Variants in KCNAB1 observed in about 807,000 individuals in gnomAD.
KCNAB1 encodes the protein voltage-gated potassium channel subunit beta-1.
Under a neutral mutation model 64.6 loss-of-function variants are expected in KCNAB1, and 35 were observed. The ratio of observed to expected loss-of-function variants is 0.54; its 90% CI spans 0.41 to 0.72. The LOEUF (loss-of-function observed/expected upper bound fraction) is 0.72. Ranked by LOEUF, KCNAB1 falls within the 30% of genes least tolerant of loss-of-function variation. The pLI, the probability that KCNAB1 is intolerant of heterozygous loss-of-function variation, is 0.00. For missense variants in KCNAB1, 401 were observed against 512.9 expected, an observed-to-expected ratio of 0.78 and a Z score of 2.11; for synonymous variants, 177 against 183.8, an observed-to-expected ratio of 0.96 and a Z score of 0.30.
intron 1 of KCNAB1, among the ~76,000 whole-genome samples, chr3:156,317,422 A>G (rs1722349357): frequency 1.3e-5 from 2 of 152,220 alleles, no homozygotes; most frequent in Non-Finnish European, 2.9e-5. Flanking sequence ...AATTTTTTAC[A>G]GAGAAAAACA....
At chr3:156,257,015 C>G (rs1232162525) in intron 1 of KCNAB1, among the ~76,000 whole-genome samples, 2 of 152,214 alleles carry the variant, frequency 1.3e-5, no homozygotes, top group Admixed American at 6.5e-5. Flanking sequence ...GAGGTGGTAA[C>G]AGACCCAGCC....
At chr3:156,444,558 G>T (rs1717261021) in intron 2 of KCNAB1, among the ~76,000 whole-genome samples, 1 of 152,180 alleles carries the variant, frequency 6.6e-6, no homozygotes, top group Admixed American at 6.5e-5. Context: ...CAGGCCTCCT[G>T]ATGTCCCCTT....
chr3:156,539,037 TA>T (rs1198706909), downstream of KCNAB1: 1 of 152,186 alleles, frequency 6.6e-6, no homozygotes, highest in African/African-American at 2.4e-5. Context: ...GTTAGTTAGT[TA>T]GTTATGTCCT....
chr3:156,294,493 G>A (rs151193687), intron 1 of KCNAB1, among the ~76,000 whole-genome samples: 1 of 152,170 alleles, frequency 6.6e-6, no homozygotes, highest in East Asian at 1.9e-4. Flanking sequence ...AAAAGGGGGA[G>A]GGAGACTAAT....
intron 2 of KCNAB1, among the ~76,000 whole-genome samples, chr3:156,443,673 T>C (rs1037881585): frequency 6.6e-6 from 1 of 152,082 alleles, no homozygotes; most frequent in African/African-American, 2.4e-5. Flanking sequence ...CATAGTTTCC[T>C]ATTTTATTAA....
At chr3:156,214,755 A>T (rs528416971) in intron 1 of KCNAB1, among the ~76,000 whole-genome samples, 9 of 152,324 alleles carry the variant, frequency 5.9e-5, no homozygotes, top group African/African-American at 2.2e-4. Context: ...GCTCAATTGA[A>T]GCCAAAACTA....
At chr3:156,434,921 T>C (rs902252519) in intron 2 of KCNAB1, among the ~76,000 whole-genome samples, 1 of 152,206 alleles carries the variant, frequency 6.6e-6, no homozygotes, top group Non-Finnish European at 1.5e-5. Context: ...TATGTTCTCT[T>C]TGAAGCAGGC....
chr3:156,188,902 G>T (rs975096661), intron 1 of KCNAB1, among the ~76,000 whole-genome samples: 2 of 152,148 alleles, frequency 1.3e-5, no homozygotes, highest in African/African-American at 4.8e-5. Context: ...ACTTCTCAGA[G>T]AACTCCTTGC....
intron 1 of KCNAB1, among the ~76,000 whole-genome samples, chr3:156,239,711 C>T (rs917831568): frequency 2.6e-5 from 4 of 152,148 alleles, no homozygotes; most frequent in African/African-American, 4.8e-5. Context: ...TTCCATTCGA[C>T]GTATTTATCA....
chr3:156,192,153 T>A (rs1335347704), intron 1 of KCNAB1, among the ~76,000 whole-genome samples: 1 of 152,248 alleles, frequency 6.6e-6, no homozygotes. Context: ...TGATTCAGCT[T>A]AATAATTTTG....
chr3:156,377,296 A>G (rs1711749952), intron 1 of KCNAB1, among the ~76,000 whole-genome samples: 1 of 152,072 alleles, frequency 6.6e-6, no homozygotes. Flanking sequence ...GGGAAAGAAG[A>G]GCAGGTTGGC....
At chr3:156,321,292 T>C (rs1275005703) in intron 1 of KCNAB1, among the ~76,000 whole-genome samples, 1 of 152,194 alleles carries the variant, frequency 6.6e-6, no homozygotes, top group Admixed American at 6.5e-5. Flanking sequence ...AGTGAAAATG[T>C]GGCATGCAAG....
intron 1 of KCNAB1, chr3:156,216,931 C>A (rs1264742251): frequency 2.0e-5 from 3 of 152,216 alleles, no homozygotes; most frequent in African/African-American, 7.2e-5. Flanking sequence ...TTTTACATGA[C>A]TGACCTGGAG....
intron 2 of KCNAB1, among the ~76,000 whole-genome samples, chr3:156,431,731 A>C (rs910591805): frequency 6.6e-6 from 1 of 152,224 alleles, no homozygotes; most frequent in Non-Finnish European, 1.5e-5. Flanking sequence ...TCTAGCAAAA[A>C]CACAAATTTC....
At chr3:156,181,841 A>G (rs1712839283) in intron 1 of KCNAB1, among the ~76,000 whole-genome samples, 1 of 152,070 alleles carries the variant, frequency 6.6e-6, no homozygotes, top group African/African-American at 2.4e-5. Flanking sequence ...AAGACGTTGA[A>G]CTCAATTTAG....
chr3:156,381,053 A>T (rs574656969), intron 1 of KCNAB1, among the ~76,000 whole-genome samples: 1 of 152,310 alleles, frequency 6.6e-6, no homozygotes, highest in Non-Finnish European at 1.5e-5. Context: ...ATCATTCCAC[A>T]CTGTAAGCGT....
At chr3:156,266,795 C>T (rs1347574796) in intron 1 of KCNAB1, among the ~76,000 whole-genome samples, 4 of 152,150 alleles carry the variant, frequency 2.6e-5, no homozygotes, top group Non-Finnish European at 4.4e-5. Flanking sequence ...CAAAGCTCAG[C>T]GGTCATATTC....
intron 1 of KCNAB1, among the ~76,000 whole-genome samples, chr3:156,318,079 TA>T (rs1560192799): frequency 6.6e-6 from 1 of 152,036 alleles, no homozygotes; most frequent in Non-Finnish European, 1.5e-5. Flanking sequence ...GACAGAGAGG[TA>T]AAAGGAACAG....
intron 1 of KCNAB1, among the ~76,000 whole-genome samples, chr3:156,336,982 AG>A (rs1723756954): frequency 6.6e-6 from 1 of 152,250 alleles, no homozygotes; most frequent in Non-Finnish European, 1.5e-5. Flanking sequence ...ATGCTATTGT[AG>A]TGTGAAGAAT....
Sources: gnomAD v4.1 joint callset for allele counts (sites outside exome capture counted in the v4.1 genomes callset) on GRCh38, gnomAD v4.1.1 for gene constraint, MANE v1.5 for transcripts, NCBI Gene and HGNC (gene_info 2026-07-23, HGNC 2026-07-21) for gene names.